The following HIVEP3 variants were observed in gnomAD, a reference collection of about 807,000 sequenced individuals.
HIVEP3 encodes the protein transcription factor HIVEP3.
HIVEP3 carries 49 observed loss-of-function variants against 152.8 expected under a neutral mutation model. The ratio of observed to expected loss-of-function variants is 0.32; its 90% CI spans 0.26 to 0.41. The LOEUF (loss-of-function observed/expected upper bound fraction) is 0.41. HIVEP3 is among the 10% of genes least tolerant of loss of function. HIVEP3 has a pLI of 1.00. For missense variants in HIVEP3, 2,790 were observed against 3,103.3 expected (o/e 0.90, Z 2.40); for synonymous variants, 1,269 against 1,289.0 (o/e 0.98, Z 0.33).
intron 1 of HIVEP3, among the ~76,000 whole-genome samples, chr1:41,713,824 G>A (rs1646550488): frequency 1.3e-5 from 2 of 152,210 alleles, no homozygotes; most frequent in African/African-American, 4.8e-5. Context: ...TGGAATGCAG[G>A]GAAATGAGTG....
At chr1:41,928,179 G>C (rs948592032) in intron 1 of HIVEP3, among the ~76,000 whole-genome samples, 2 of 151,382 alleles carry the variant, frequency 1.3e-5, no homozygotes, top group African/African-American at 2.4e-5. Context: ...TGGGTCAGAT[G>C]ACCCTATTAC....
intron 1 of HIVEP3, among the ~76,000 whole-genome samples, chr1:41,812,411 T>A (rs754343924): frequency 9.7e-4 from 147 of 152,174 alleles, no homozygotes; most frequent in Middle Eastern, 6.8e-3. Flanking sequence ...CACTCCAGCC[T>A]GGAGAACAGA....
At chr1:41,980,127 C>T (rs1645286291) in intron 1 of HIVEP3, among the ~76,000 whole-genome samples, 1 of 152,162 alleles carries the variant, frequency 6.6e-6, no homozygotes, top group Admixed American at 6.5e-5. Flanking sequence ...TAAAATGGTG[C>T]AACCACTTGG....
At chr1:41,613,619 T>C (rs988057682) in intron 3 of HIVEP3, among the ~76,000 whole-genome samples, 2 of 152,274 alleles carry the variant, frequency 1.3e-5, no homozygotes, top group African/African-American at 4.8e-5. Context: ...ATGAGTAGAA[T>C]TGTGTAAACT....
intron 1 of HIVEP3, among the ~76,000 whole-genome samples, chr1:41,860,473 C>T (rs778699017): frequency 1.3e-5 from 2 of 152,212 alleles, no homozygotes; most frequent in Non-Finnish European, 2.9e-5. Context: ...CACTCCCCTA[C>T]AGGTATTTAC....
intron 1 of HIVEP3, among the ~76,000 whole-genome samples, chr1:41,899,342 A>T (rs1340200866): frequency 6.6e-6 from 1 of 152,194 alleles, no homozygotes; most frequent in East Asian, 1.9e-4. Flanking sequence ...ATTAACGTTT[A>T]TACTCTCCTG....
intron 1 of HIVEP3, among the ~76,000 whole-genome samples, chr1:41,841,079 T>C (rs988754136): frequency 9.2e-5 from 14 of 152,128 alleles, no homozygotes; most frequent in African/African-American, 3.4e-4. Flanking sequence ...GTGCAGTTAA[T>C]GACTGTAGCC....
intron 1 of HIVEP3, among the ~76,000 whole-genome samples, chr1:42,016,708 A>G (rs574483781): frequency 3.9e-5 from 6 of 152,324 alleles, no homozygotes; most frequent in African/African-American, 1.2e-4. Context: ...AGCAATCAGT[A>G]TCTCCTGGCC....
intron 1 of HIVEP3, among the ~76,000 whole-genome samples, chr1:42,032,867 CT>C (rs1324111693): frequency 6.6e-6 from 1 of 152,164 alleles, no homozygotes; most frequent in Non-Finnish European, 1.5e-5. Flanking sequence ...TCTAATATAG[CT>C]TTCACTCTGA....
intron 1 of HIVEP3, among the ~76,000 whole-genome samples, chr1:41,805,242 C>G (rs529572493): frequency 6.6e-6 from 1 of 152,316 alleles, no homozygotes; most frequent in South Asian, 2.1e-4. Flanking sequence ...GAGACTGAGG[C>G]AGGAGAATTG....
At chr1:41,598,412 T>TAC (rs1389010889) in intron 3 of HIVEP3, among the ~76,000 whole-genome samples, 8 of 152,178 alleles carry the variant, frequency 5.3e-5, no homozygotes, top group Non-Finnish European at 1.0e-4. Context: ...CAATAATATA[T>TAC]ACACACACAC....
At chr1:41,538,078 T>C (rs1182637293) in intron 5 of HIVEP3, among the ~76,000 whole-genome samples, 1 of 152,138 alleles carries the variant, frequency 6.6e-6, no homozygotes, top group East Asian at 1.9e-4. Flanking sequence ...ATACAGACAA[T>C]GAGCAAAGTG....
At chr1:41,721,872 T>C (rs543645307) in intron 1 of HIVEP3, among the ~76,000 whole-genome samples, 1 of 152,262 alleles carries the variant, frequency 6.6e-6, no homozygotes, top group East Asian at 1.9e-4. Context: ...CTGCCTTCCC[T>C]AACAGAGGTG....
intron 1 of HIVEP3, among the ~76,000 whole-genome samples, chr1:41,849,778 C>T (rs1643544280): frequency 6.6e-6 from 1 of 151,774 alleles, no homozygotes; most frequent in African/African-American, 2.4e-5. Context: ...GCAACCTCTG[C>T]CTCCTGGGTT....
intron 1 of HIVEP3, among the ~76,000 whole-genome samples, chr1:42,007,675 G>A (rs191530263): frequency 1.4e-4 from 21 of 152,310 alleles, no homozygotes; most frequent in African/African-American, 5.1e-4. Context: ...AGGTGCAAGT[G>A]CACACTGTTC....
intron 1 of HIVEP3, among the ~76,000 whole-genome samples, chr1:41,991,980 G>A (rs1449560507): frequency 4.7e-5 from 7 of 148,590 alleles, no homozygotes; most frequent in Admixed American, 1.3e-4. Flanking sequence ...AATAAATTAC[G>A]TATTGATGGG....
At chr1:41,963,843 TTCAA>T (rs1645182950) in intron 1 of HIVEP3, among the ~76,000 whole-genome samples, 1 of 152,110 alleles carries the variant, frequency 6.6e-6, no homozygotes, top group Admixed American at 6.5e-5. Flanking sequence ...GCCGAACAGA[TTCAA>T]GTTCACAAAC....
chr1:41,650,449 CTG>C (rs1382498744), intron 2 of HIVEP3, among the ~76,000 whole-genome samples: 2 of 152,230 alleles, frequency 1.3e-5, no homozygotes, highest in Admixed American at 6.5e-5. Flanking sequence ...GTGTCAGGCA[CTG>C]TGTTAAATAT....
At chr1:41,936,984 T>G (rs1487547813) in intron 1 of HIVEP3, among the ~76,000 whole-genome samples, 1 of 152,182 alleles carries the variant, frequency 6.6e-6, no homozygotes, top group Non-Finnish European at 1.5e-5. Flanking sequence ...GTTTATATTC[T>G]TCATTAAAAT....
Sources: gnomAD v4.1 joint callset for allele counts (sites outside exome capture counted in the v4.1 genomes callset) on GRCh38, gnomAD v4.1.1 for gene constraint, MANE v1.5 for transcripts, NCBI Gene and HGNC (gene_info 2026-07-23, HGNC 2026-07-21) for gene names.